The following ADAMTS17 variants were observed in gnomAD, a reference collection of about 807,000 sequenced individuals.
ADAMTS17 encodes the protein A disintegrin and metalloproteinase with thrombospondin motifs 17.
A neutral mutation model predicts 141.5 loss-of-function variants in ADAMTS17; 113 were observed. The ratio of observed to expected loss-of-function variants is 0.80; its 90% CI spans 0.69 to 0.93. ADAMTS17 has a LOEUF of 0.93. Among genes scored for constraint, ADAMTS17 ranks in the 40% least tolerant of loss-of-function variants. The probability of loss-of-function intolerance (pLI) is 0.00; values close to 1 mark genes in which losing one functional copy is unlikely to be tolerated. For synonymous variants in ADAMTS17, 768 were observed against 630.6 expected (o/e 1.22, Z -3.27); for missense variants, 1,659 against 1,517.9 (o/e 1.09, Z -1.54).
chr15:100,277,374 C>T (rs375123092), intron 4 of ADAMTS17, among the ~76,000 whole-genome samples: 2 of 152,124 alleles, frequency 1.3e-5, no homozygotes, highest in Non-Finnish European at 2.9e-5. Flanking sequence ...CATGTACCAA[C>T]CCCATTCCCT....
At chr15:100,192,379 G>T (rs1478122554) in intron 8 of ADAMTS17, among the ~76,000 whole-genome samples, 1 of 152,190 alleles carries the variant, frequency 6.6e-6, no homozygotes, top group Admixed American at 6.5e-5. Flanking sequence ...TCCCTTCCTG[G>T]GGGGAGGCAC....
intron 18 of ADAMTS17, among the ~76,000 whole-genome samples, chr15:99,999,440 G>A (rs1036224478): frequency 6.6e-6 from 1 of 152,124 alleles, no homozygotes; most frequent in African/African-American, 2.4e-5. Flanking sequence ...GGGAGGAAGT[G>A]AGCCCCGTGA....
intron 4 of ADAMTS17, among the ~76,000 whole-genome samples, chr15:100,265,856 C>T (rs2043695856): frequency 6.6e-6 from 1 of 152,228 alleles, no homozygotes; most frequent in African/African-American, 2.4e-5. Flanking sequence ...GTTGGAAATG[C>T]ACATTCTGGA....
In ADAMTS17 at chr15:100,054,021, C is replaced by A; in HGVS notation, c.2171G>T (p.Ser724Ile). The A allele has an allele frequency of 6.2e-7, 1 of 1,614,186 alleles. No homozygotes were observed. Among genetic ancestry groups the A allele is most frequent in the Non-Finnish European group, 8.5e-7 (1 of 1,180,036 alleles). Residue 724 changes from serine to isoleucine, a missense_variant, in exon 16 of 22, where the codon AGT becomes ATT. Ser to Ile is a moderately radical substitution (Grantham distance 142, BLOSUM62 -2). Coordinates refer to ENST00000268070, the MANE Select transcript of ADAMTS17 (RefSeq NM_139057.4). ...TCCGGGGAGCTCTATCTTCCAGTCA[C>A]TGTTGATGGACCCCTTACCCGAGTC... is the stretch of plus-strand genomic sequence containing the variant. ...LKDSGKGSIN[S>I]DWKIELPGEF...
intron 6 of ADAMTS17, among the ~76,000 whole-genome samples, chr15:100,255,852 C>T (rs965902890): frequency 6.6e-6 from 1 of 152,188 alleles, no homozygotes. Flanking sequence ...TGCGTTCTCC[C>T]ATCCAATGGC....
chr15:100,170,562 A>G (rs946436354), intron 8 of ADAMTS17, among the ~76,000 whole-genome samples: 1 of 152,260 alleles, frequency 6.6e-6, no homozygotes, highest in African/African-American at 2.4e-5. Context: ...GCGGATTTCA[A>G]GATGAAATTT....
chr15:100,182,515 T>G (rs1596209721), intron 8 of ADAMTS17, among the ~76,000 whole-genome samples: 1 of 152,164 alleles, frequency 6.6e-6, no homozygotes, highest in East Asian at 1.9e-4. Context: ...TACCTCTCTG[T>G]GCTACACTGT....
intron 18 of ADAMTS17, among the ~76,000 whole-genome samples, chr15:100,019,405 A>C (rs2061357147): frequency 6.6e-6 from 1 of 152,226 alleles, no homozygotes; most frequent in African/African-American, 2.4e-5. Context: ...AGATTTGTTA[A>C]AACTGGGAAG....
At chr15:100,281,463 G>T in intron 3 of ADAMTS17, 62 bp from the exon 4 acceptor site, 4 of 1,563,044 alleles carry the variant, frequency 2.6e-6, no homozygotes, top group Non-Finnish European at 3.5e-6. Context: ...ACCATGCAGT[G>T]AACAGGCCTT....
chr15:100,039,478 C>T (rs1015851035), intron 18 of ADAMTS17, among the ~76,000 whole-genome samples: 1 of 152,062 alleles, frequency 6.6e-6, no homozygotes, highest in African/African-American at 2.4e-5. Flanking sequence ...ATTTAGTTTC[C>T]CTTGTGATTT....
intron 6 of ADAMTS17, among the ~76,000 whole-genome samples, chr15:100,258,623 C>T (rs145743025): frequency 7.9e-4 from 120 of 152,160 alleles, no homozygotes; most frequent in African/African-American, 2.0e-3. Flanking sequence ...TTCACGATCC[C>T]GAGAACAGCA....
intron 7 of ADAMTS17, among the ~76,000 whole-genome samples, chr15:100,235,391 C>A (rs1331468004): frequency 6.6e-6 from 1 of 152,182 alleles, no homozygotes; most frequent in Non-Finnish European, 1.5e-5. Flanking sequence ...CCGACCACCC[C>A]ACACCATGCA....
rs117639340 is a variant in ADAMTS17 at position 100,225,122 on chromosome 15, T to C, written c.1076-25699A>G. 9.3e-4 allele frequency among the ~76,000 whole-genome samples: 142 copies of C among 152,370 alleles called. 2 individuals are homozygous for C. The East Asian group carries it at 0.024, about 26-fold the overall frequency. ...CCACAAGAAATATACTTTCCTCCAG[T>C]TGCAGCAAAACATGCAGCTGCTATT... On this transcript the variant is annotated intron_variant, in intron 7 of 21. Coordinates refer to ENST00000268070, the MANE Select transcript of ADAMTS17 (RefSeq NM_139057.4).
intron 18 of ADAMTS17, among the ~76,000 whole-genome samples, chr15:100,033,051 G>A (rs2030339843): frequency 6.6e-6 from 1 of 152,026 alleles, no homozygotes; most frequent in East Asian, 1.9e-4. Flanking sequence ...ATTGTTTTGA[G>A]AGAAAAAAAA....
chr15:100,251,358 T>C (rs150524683), intron 7 of ADAMTS17, among the ~76,000 whole-genome samples: 88 of 152,364 alleles, frequency 5.8e-4, no homozygotes, highest in African/African-American at 2.0e-3. Context: ...GATTGACTTG[T>C]GTCCCCACAA....
At chr15:100,279,488 C>T (rs1419705707) in intron 4 of ADAMTS17, among the ~76,000 whole-genome samples, 2 of 152,220 alleles carry the variant, frequency 1.3e-5, no homozygotes, top group African/African-American at 2.4e-5. Flanking sequence ...AAACTCAGGC[C>T]CTGGGTCATT....
intron 15 of ADAMTS17, among the ~76,000 whole-genome samples, chr15:100,091,965 G>C (rs1180225206): frequency 1.3e-5 from 2 of 152,182 alleles, no homozygotes. Flanking sequence ...ACTGTGCCTT[G>C]GTTCGCCCCT....
chr15:100,261,253 T>C (rs1002896419), intron 6 of ADAMTS17, among the ~76,000 whole-genome samples: 2 of 152,116 alleles, frequency 1.3e-5, no homozygotes, highest in African/African-American at 4.8e-5. Flanking sequence ...CATGTGACAA[T>C]GGAGGAGGGA....
intron 18 of ADAMTS17, among the ~76,000 whole-genome samples, chr15:100,034,724 T>C (rs551194790): frequency 2.6e-4 from 39 of 152,290 alleles, no homozygotes; most frequent in African/African-American, 5.1e-4. Flanking sequence ...AAAGGGCCAC[T>C]GGTGGCTTCA....
Sources: allele counts gnomAD v4.1 joint callset (sites outside exome capture counted in the v4.1 genomes callset), GRCh38; gene constraint gnomAD v4.1.1; transcripts MANE v1.5; gene names NCBI Gene and HGNC (gene_info 2026-07-23, HGNC 2026-07-21).